ZNF28: variants seen among roughly 807,000 people sequenced by gnomAD.
ZNF28 encodes the protein zinc finger protein 28.
Under a neutral mutation model 7.2 loss-of-function variants are expected in ZNF28, and 5 were observed. The ratio of observed to expected loss-of-function variants is 0.70; its 90% confidence interval spans 0.36 to 1.46. The LOEUF is 1.46. ZNF28 is among the 40% of genes most tolerant of loss of function. ZNF28 has a pLI of 0.03. For missense variants in ZNF28, 879 were observed against 866.6 expected (o/e 1.01, Z -0.18); for synonymous variants, 288 against 292.4 (o/e 0.99, Z 0.15).
At chr19:52,810,938 G>C (rs1368230729) in intron 2 of ZNF28, among the ~76,000 whole-genome samples, 3 of 120,102 alleles carry the variant, frequency 2.5e-5, no homozygotes, top group African/African-American at 9.4e-5. Context: ...CTCTGATGCC[G>C]AGCCAAAGCT....
intron 2 of ZNF28, 101 bp downstream of exon 2, chr19:52,817,843 A>G (rs1296236031): frequency 1.8e-5 from 28 of 1,584,438 alleles, no homozygotes; most frequent in Middle Eastern, 3.3e-4. Flanking sequence ...GAGCAAACAT[A>G]TCAGGCAGGA....
chr19:52,817,098 A>C (rs28439016), intron 2 of ZNF28, among the ~76,000 whole-genome samples: 100,433 of 151,576 alleles, frequency 0.66, 34,047 homozygotes, highest in Non-Finnish European at 0.73. Flanking sequence ...ATAGGCCAGG[A>C]ACGGTGGCTC....
At chr19:52,816,975 C>A (rs899735208) in intron 2 of ZNF28, among the ~76,000 whole-genome samples, 1 of 152,022 alleles carries the variant, frequency 6.6e-6, no homozygotes, top group Non-Finnish European at 1.5e-5. Context: ...ACCTGTTTCA[C>A]AAGCCTCTCC....
chr19:52,815,959 A>T (rs113447197), intron 2 of ZNF28, among the ~76,000 whole-genome samples: 3,120 of 147,508 alleles, frequency 0.021, 591 homozygotes, highest in African/African-American at 0.078. Flanking sequence ...AGTAAAAAAA[A>T]ATACATAAAA....
intron 1 of ZNF28, among the ~76,000 whole-genome samples, chr19:52,821,087 G>A (rs1020538487): frequency 6.6e-6 from 1 of 152,122 alleles, no homozygotes; most frequent in Admixed American, 6.5e-5. Context: ...TGACTGCGGA[G>A]GGGAGATCTG....
At chr19:52,807,955 A>C in intron 3 of ZNF28, 52 bp downstream of exon 3, 1 of 1,609,990 alleles carries the variant, frequency 6.2e-7, no homozygotes, top group Non-Finnish European at 8.5e-7. Context: ...AAGAGGCAAC[A>C]AGAGAAAATA....
At position 52,799,592 on chromosome 19, in the gene ZNF28, C is replaced by T. The variant is rs1317560928; in HGVS notation, c.*96G>A. 1.3e-6 allele frequency: 2 copies of T among 1,595,504 alleles called. No individual in the cohort carries two copies. The highest frequency in any genetic ancestry group is 1.7e-5 in the Admixed American group (1 of 59,348). ...AATTGTGATGGAAGGTGTTGCCACA[C>T]TCATTACACTTTTAAGGTTTCTCTC... is the stretch of plus-strand genomic sequence containing the variant. On this transcript the variant is annotated 3_prime_UTR_variant, in exon 4 of 4. Transcript: ENST00000457749.
rs547692995 is a variant in ZNF28, at chr19:52,816,394, G to A, written c.15+1550C>T. ...AAATTAGCCAGGCAAGCCGGGCGCG[G>A]TGGCTCAAGCCTGTAATCCCAGCAC... is the stretch of plus-strand genomic sequence containing the variant. On this transcript the variant is annotated intron_variant, in intron 2 of 3. Coordinates refer to ENST00000457749, the MANE Select transcript of ZNF28 (RefSeq NM_006969.5). 1.4e-3 allele frequency among the ~76,000 whole-genome samples: 202 copies of A among 146,272 alleles called. 28 individuals are homozygous for A. Among genetic ancestry groups the A allele is most frequent in the African/African-American group, 5.2e-3 (195 of 37,586 alleles).
At chr19:52,818,579 G>A (rs1481263585) in intron 1 of ZNF28, among the ~76,000 whole-genome samples, 1 of 152,066 alleles carries the variant, frequency 6.6e-6, no homozygotes, top group African/African-American at 2.4e-5. Flanking sequence ...CGGGCTTGAT[G>A]CGCATCTGTA....
intron 2 of ZNF28, among the ~76,000 whole-genome samples, chr19:52,817,162 C>T (rs2063137133): frequency 2.0e-5 from 3 of 152,052 alleles, no homozygotes; most frequent in South Asian, 4.1e-4. Context: ...CGCCTGAGGT[C>T]GGGAGTTTGA....
intron 2 of ZNF28, chr19:52,810,654 G>C (rs1306830295): frequency 1.7e-6 from 2 of 1,163,400 alleles, no homozygotes; most frequent in African/African-American, 1.5e-5. Context: ...GCAGGCTCTG[G>C]GGTCGCGTCT....
chr19:52,809,206 C>G (rs1446005786), intron 2 of ZNF28, among the ~76,000 whole-genome samples: 1 of 152,148 alleles, frequency 6.6e-6, no homozygotes, highest in African/African-American at 2.4e-5. Flanking sequence ...GAAGCAATCA[C>G]CCTTTCAACT....
rs945339899 is a variant in ZNF28, at chr19:52,813,541, G to A, written c.15+4403C>T. ...GGAAGGACACCAGACTGTTCGGCTT[G>A]TCACCTTCCCTCCGTCTTCTCCTCA... On this transcript the variant is annotated intron_variant, in intron 2 of 3. Coordinates refer to ENST00000457749, the MANE Select transcript of ZNF28 (RefSeq NM_006969.5). Among the ~76,000 whole-genome samples the A allele has an allele frequency of 4.4e-4, 64 of 144,916 alleles. 5 individuals carry two copies. The highest frequency in any genetic ancestry group is 8.8e-4 in the Non-Finnish European group (59 of 67,390).
intron 1 of ZNF28, among the ~76,000 whole-genome samples, chr19:52,820,588 C>G (rs1415276087): frequency 3.3e-5 from 5 of 152,066 alleles, no homozygotes; most frequent in African/African-American, 9.7e-5. Context: ...CCCCGCTGTG[C>G]TTCTCCCTCT....
At chr19:52,810,894 TCCCCCTCCCTCTC>T (rs2063021987) in intron 2 of ZNF28, among the ~76,000 whole-genome samples, 1 of 3,888 alleles carries the variant, frequency 2.6e-4, no homozygotes, top group African/African-American at 1.1e-3. Context: ...CCCCTCCCCC[TCCCCCTCCCTCTC>T]CCTCTCCCTC....
chr19:52,817,829 G>A, intron 2 of ZNF28, 115 bp downstream of exon 2: 1 of 1,566,928 alleles, frequency 6.4e-7, no homozygotes, highest in Non-Finnish European at 8.7e-7. Flanking sequence ...GCATGGGTGA[G>A]GGTGAGCAAA....
intron 2 of ZNF28, among the ~76,000 whole-genome samples, chr19:52,812,193 C>A (rs1241323078): frequency 7.6e-6 from 1 of 130,748 alleles, no homozygotes; most frequent in African/African-American, 3.7e-5. Context: ...AGGTGAGGGG[C>A]GCTTCTGCCC....
chr19:52,821,391 G>A (rs2063196604), intron 1 of ZNF28, among the ~76,000 whole-genome samples, 195 bp downstream of exon 1: 1 of 152,140 alleles, frequency 6.6e-6, no homozygotes, highest in Admixed American at 6.5e-5. Flanking sequence ...GAAAGACCCG[G>A]GACGGGACCA....
intron 1 of ZNF28, among the ~76,000 whole-genome samples, chr19:52,819,496 AC>A (rs2063168789): frequency 1.8e-5 from 1 of 55,620 alleles, no homozygotes; most frequent in Non-Finnish European, 4.8e-5. Context: ...CCAGACACCC[AC>A]TCTATTTTGC....
Sources: allele counts gnomAD v4.1 joint callset (sites outside exome capture counted in the v4.1 genomes callset), GRCh38; gene constraint gnomAD v4.1.1; transcripts MANE v1.5; gene names NCBI Gene and HGNC (gene_info 2026-07-23, HGNC 2026-07-21).